The following NEK10 variants were observed in gnomAD, a reference collection of about 807,000 sequenced individuals.
The protein encoded by NEK10 is NIMA related kinase 10.
NEK10 carries 122 observed loss-of-function variants against 159.8 expected under a neutral mutation model. The observed-to-expected ratio is 0.76, with a 90% CI of 0.66 to 0.89. NEK10 has a LOEUF of 0.89. Among genes scored for constraint, NEK10 ranks in the 40% least tolerant of loss-of-function variants. The pLI is 0.00. For synonymous variants in NEK10, 466 were observed against 457.1 expected (o/e 1.02, Z -0.25); for missense variants, 1,342 against 1,323.1 (o/e 1.01, Z -0.22).
intron 1 of NEK10, among the ~76,000 whole-genome samples, chr3:27,361,173 A>T (rs1467186166): frequency 6.6e-6 from 1 of 152,132 alleles, no homozygotes; most frequent in Non-Finnish European, 1.5e-5. Context: ...TCTCATTCCA[A>T]CTTATATCTT....
chr3:27,154,085 T>C (rs771087896), intron 30 of NEK10, among the ~76,000 whole-genome samples: 102 of 151,528 alleles, frequency 6.7e-4, no homozygotes, highest in Non-Finnish European at 1.3e-3. Flanking sequence ...AGAGAGAAAA[T>C]CCAAATAACC....
intron 14 of NEK10, among the ~76,000 whole-genome samples, chr3:27,296,381 G>A (rs1024854167): frequency 6.6e-6 from 1 of 152,090 alleles, no homozygotes; most frequent in African/African-American, 2.4e-5. Flanking sequence ...TAGAAGCCAA[G>A]CCAAGAAGTA....
At chr3:27,240,356 T>C (rs533296052) in intron 23 of NEK10, among the ~76,000 whole-genome samples, 1 of 152,296 alleles carries the variant, frequency 6.6e-6, no homozygotes, top group East Asian at 1.9e-4. Context: ...ATATTTTGTA[T>C]TTGTATTCAA....
chr3:27,228,244 A>C, intron 23 of NEK10, among the ~76,000 whole-genome samples: 1 of 152,196 alleles, frequency 6.6e-6, no homozygotes, highest in Non-Finnish European at 1.5e-5. Flanking sequence ...TAAAGCAAAG[A>C]TATTAAACCA....
At chr3:27,351,975 C>T (rs779325935) in intron 3 of NEK10, among the ~76,000 whole-genome samples, 2 of 151,980 alleles carry the variant, frequency 1.3e-5, no homozygotes, top group Non-Finnish European at 2.9e-5. Context: ...CATGAAAATG[C>T]TACTATAAAA....
chr3:27,291,544 C>T lies in NEK10; in HGVS notation c.1416G>A (p.Gly472=). The T allele has an allele frequency of 6.2e-7, 1 of 1,610,524 alleles. No homozygotes were observed. The highest frequency in any genetic ancestry group is 1.1e-5 in the South Asian group (1 of 91,004). ...AAGCACTGATATCACGTACATAATG[C>T]CCTATGTCAATGAAGATCTCAAACA... ...TDLFEIFIDI[G]HYVRDISAYE... Residue 472 remains glycine, a synonymous_variant, in exon 17 of 36, where the codon GGG becomes GGA. Transcript: ENST00000691995.
intron 31 of NEK10, among the ~76,000 whole-genome samples, chr3:27,132,442 T>C (rs958626991): frequency 6.6e-6 from 1 of 152,208 alleles, no homozygotes; most frequent in Non-Finnish European, 1.5e-5. Context: ...GTAGTATATA[T>C]AGTCAGATGC....
intron 5 of NEK10, among the ~76,000 whole-genome samples, chr3:27,332,448 C>T (rs2046485661): frequency 6.6e-6 from 1 of 152,128 alleles, no homozygotes. Context: ...TCCAAACATA[C>T]CTTCATCATT....
chr3:27,294,633 C>T (rs1037804577), intron 15 of NEK10, among the ~76,000 whole-genome samples: 22 of 152,138 alleles, frequency 1.4e-4, no homozygotes, highest in African/African-American at 3.1e-4. Context: ...CCGTTGGTAG[C>T]GCTCCAAAAA....
chr3:27,175,098 T>C (rs180778226), intron 26 of NEK10, among the ~76,000 whole-genome samples: 3 of 152,068 alleles, frequency 2.0e-5, no homozygotes, highest in African/African-American at 4.8e-5. Context: ...TATAACCCAG[T>C]AGCGGGGGGA....
At chr3:27,215,839 G>A (rs968606818) in intron 23 of NEK10, 21 of 717,304 alleles carry the variant, frequency 2.9e-5, no homozygotes, top group Non-Finnish European at 5.2e-5. Flanking sequence ...GTTTTATGTG[G>A]CCAGAGCAGG....
At chr3:27,364,589 T>C (rs1261039538) in intron 1 of NEK10, among the ~76,000 whole-genome samples, 1 of 152,208 alleles carries the variant, frequency 6.6e-6, no homozygotes, top group Non-Finnish European at 1.5e-5. Flanking sequence ...TGAAAAATAC[T>C]AGAGATAAAA....
chr3:27,264,453 G>A (rs1042065027), intron 22 of NEK10, among the ~76,000 whole-genome samples: 1 of 152,116 alleles, frequency 6.6e-6, no homozygotes, highest in Non-Finnish European at 1.5e-5. Context: ...TGATCAAGTG[G>A]GGTTTATGCC....
chr3:27,351,944 C>T (rs2047998530), intron 3 of NEK10, among the ~76,000 whole-genome samples: 1 of 151,842 alleles, frequency 6.6e-6, no homozygotes, highest in Non-Finnish European at 1.5e-5. Flanking sequence ...AGCAGAAGTA[C>T]CATTTTTTCT....
At chr3:27,289,308 C>T (rs2042836462) in intron 19 of NEK10, among the ~76,000 whole-genome samples, 1 of 152,148 alleles carries the variant, frequency 6.6e-6, no homozygotes, top group East Asian at 1.9e-4. Flanking sequence ...TTTGTTAATG[C>T]AGGTTAATCT....
At chr3:27,284,543 T>C (rs1049453299) in intron 22 of NEK10, 59 bp downstream of exon 22, 2 of 955,924 alleles carry the variant, frequency 2.1e-6, no homozygotes, top group Non-Finnish European at 3.4e-6. Context: ...TGGACACTAC[T>C]ACTCTAGGAT....
chr3:27,210,993 A>T (rs1950958595), intron 23 of NEK10, among the ~76,000 whole-genome samples: 1 of 152,258 alleles, frequency 6.6e-6, no homozygotes, highest in Non-Finnish European at 1.5e-5. Context: ...TATCTAATAT[A>T]CATAAATTTC....
chr3:27,317,904 G>A (rs1295790916), intron 6 of NEK10, among the ~76,000 whole-genome samples: 2 of 152,114 alleles, frequency 1.3e-5, no homozygotes, highest in Non-Finnish European at 2.9e-5. Context: ...CCGGGTTCAC[G>A]CCATTCTTCT....
At chr3:27,140,470 C>T (rs1943675172) in intron 31 of NEK10, among the ~76,000 whole-genome samples, 1 of 152,192 alleles carries the variant, frequency 6.6e-6, no homozygotes, top group Non-Finnish European at 1.5e-5. Flanking sequence ...AAATACTAGA[C>T]ACTGGTTGCA....
Sources: allele counts gnomAD v4.1 joint callset (sites outside exome capture counted in the v4.1 genomes callset), GRCh38; gene constraint gnomAD v4.1.1; transcripts MANE v1.5; gene names NCBI Gene and HGNC (gene_info 2026-07-23, HGNC 2026-07-21).